The following GRIA2 variants were observed in gnomAD, a reference collection of about 807,000 sequenced individuals.
GRIA2 encodes the protein glutamate receptor 2.
Under a neutral mutation model 97.3 loss-of-function variants are expected in GRIA2, and 14 were observed. The observed-to-expected ratio is 0.14, with a 90% CI of 0.10 to 0.23. The LOEUF (loss-of-function observed/expected upper bound fraction) is 0.23. GRIA2 is among the 10% of genes least tolerant of loss of function. The pLI, the probability that GRIA2 is intolerant of heterozygous loss-of-function variation, is 1.00. For synonymous variants in GRIA2, 412 were observed against 387.8 expected (o/e 1.06, Z -0.73); for missense variants, 558 against 1,069.8 (o/e 0.52, Z 6.67).
intron 2 of GRIA2, among the ~76,000 whole-genome samples, chr4:157,266,689 G>A (rs1731785394): frequency 6.6e-6 from 1 of 152,058 alleles, no homozygotes; most frequent in Non-Finnish European, 1.5e-5. Flanking sequence ...GCTGCAGAGA[G>A]GAGAGAAGGA....
At position 157,229,069 on chromosome 4, in the gene GRIA2, T is replaced by G. The variant is rs540033249; in HGVS notation, c.229+7262T>G. Among the ~76,000 whole-genome samples, 5 of 152,276 alleles carry G rather than the reference T, an allele frequency of 3.3e-5. No homozygotes were observed. In the East Asian group the frequency reaches 9.7e-4, roughly 29 times the overall value. On this transcript the variant is annotated intron_variant, in intron 2 of 15. Coordinates refer to ENST00000264426, the MANE Select transcript of GRIA2 (RefSeq NM_001083619.3). ...TTCTATATCAATTCCTTTAATTAAT[T>G]TTAAAAATGTACAGAATCACAAAAG...
chr4:157,245,025 A>G (rs1188972527), intron 2 of GRIA2, among the ~76,000 whole-genome samples: 1 of 152,064 alleles, frequency 6.6e-6, no homozygotes, highest in African/African-American at 2.4e-5. Flanking sequence ...ATAAAAAAAT[A>G]ATAGCAGATT....
In GRIA2 at chr4:157,312,941, A is replaced by G. The variant is rs1012800218; in HGVS notation, c.666+66A>G. On this transcript the variant is annotated intron_variant, in intron 4 of 15. Transcript: ENST00000264426. ...TATGCATGCAATGTCAGCATTTGCA[A>G]TGTGTATTTGTGTAAGGTGCTTGAA... 1.1e-5 allele frequency: 11 copies of G among 974,512 alleles called. No homozygotes were observed. The African/African-American group carries it at 1.6e-4, about 15-fold the overall frequency. The allele number at this position is 974,512 out of a possible 1,614,324, so 60.4% of individuals were successfully genotyped here.
chr4:157,243,552 T>C (rs1579298901), intron 2 of GRIA2, among the ~76,000 whole-genome samples: 1 of 152,198 alleles, frequency 6.6e-6, no homozygotes, highest in East Asian at 1.9e-4. Flanking sequence ...GAATGCCCCC[T>C]AAAAGAGAAA....
At chr4:157,330,005 A>G (rs987810534) in intron 6 of GRIA2, among the ~76,000 whole-genome samples, 6 of 151,906 alleles carry the variant, frequency 3.9e-5, no homozygotes, top group Non-Finnish European at 8.8e-5. Flanking sequence ...TCACCTATAG[A>G]ATTGGAATAA....
chr4:157,353,031 C>T (rs1454203409), intron 12 of GRIA2, among the ~76,000 whole-genome samples: 2 of 151,900 alleles, frequency 1.3e-5, no homozygotes, highest in Admixed American at 6.6e-5. Context: ...GCACTTCAGC[C>T]TGGGCGACAG....
chr4:157,266,157 T>G (rs1048349247), intron 2 of GRIA2, among the ~76,000 whole-genome samples: 2 of 152,110 alleles, frequency 1.3e-5, no homozygotes, highest in African/African-American at 4.8e-5. Flanking sequence ...TAGAGCTATT[T>G]ATTGAACTTA....
chr4:157,258,903 G>A (rs1167529331), intron 2 of GRIA2, among the ~76,000 whole-genome samples: 2 of 151,924 alleles, frequency 1.3e-5, no homozygotes, highest in African/African-American at 4.8e-5. Flanking sequence ...GAAAGAAACA[G>A]AAAAAAATTG....
In GRIA2 at chr4:157,225,903, A is replaced by C. The variant is rs1187612163; in HGVS notation, c.229+4096A>C. Among the ~76,000 whole-genome samples the C allele has an allele frequency of 2.6e-5, 4 of 152,008 alleles. No homozygotes were observed. In the East Asian group the frequency reaches 7.7e-4, roughly 29 times the overall value. ...GAAAATCAATAGCAAATTTTAGGAAAATACTAAGTATTTTTACATTATAAA... is the reference window on the plus strand; with the variant it reads ...GAAAATCAATAGCAAATTTTAGGAACATACTAAGTATTTTTACATTATAAA... On this transcript the variant is annotated intron_variant, in intron 2 of 15. Transcript: ENST00000264426.
chr4:157,345,524 C>T (rs1168808622), intron 12 of GRIA2, among the ~76,000 whole-genome samples: 1 of 152,070 alleles, frequency 6.6e-6, no homozygotes, highest in African/African-American at 2.4e-5. Context: ...AATTTCTTAT[C>T]TCAATAAAAT....
intron 5 of GRIA2, among the ~76,000 whole-genome samples, chr4:157,319,639 G>A (rs1386205006): frequency 1.3e-5 from 2 of 152,060 alleles, no homozygotes; most frequent in African/African-American, 4.8e-5. Context: ...ATTAAACAAT[G>A]CCACCCGAAG....
chr4:157,349,167 T>C (rs1735892410), intron 12 of GRIA2, among the ~76,000 whole-genome samples: 2 of 152,190 alleles, frequency 1.3e-5, no homozygotes, highest in African/African-American at 4.8e-5. Context: ...CTTAGTAATA[T>C]GATATTTGAG....
In GRIA2 at chr4:157,336,642, G is replaced by A; in HGVS notation, c.1739G>A (p.Gly580Glu). 1 of 1,613,372 alleles carries A rather than the reference G, an allele frequency of 6.2e-7. No homozygotes were observed. The highest frequency in any genetic ancestry group is 8.5e-7 in the Non-Finnish European group (1 of 1,179,524). Residue 580 changes from glycine (G) to glutamate (E), a missense_variant, in exon 11 of 16, where the codon GGA becomes GAA. This residue lies in a region of GRIA2 where 125 missense variants were observed against 310.2 expected (regional missense o/e 0.40). Transcript: ENST00000264426. ...YEWHTEEFED[G>E]RETQSSESTN... is the part of the protein sequence containing the mutation. The stretch of plus-strand genomic sequence containing the variant: ...TGGCACACTGAGGAGTTTGAAGATG[G>A]AAGAGAAACACAAAGTAGTGAATCA...
At chr4:157,254,486 A>G (rs956402661) in intron 2 of GRIA2, among the ~76,000 whole-genome samples, 4 of 152,088 alleles carry the variant, frequency 2.6e-5, no homozygotes, top group African/African-American at 4.8e-5. Context: ...TCCATAGTCT[A>G]TAGTCCGGAA....
At chr4:157,344,759 C>A (rs1056868972) in intron 12 of GRIA2, among the ~76,000 whole-genome samples, 4 of 151,816 alleles carry the variant, frequency 2.6e-5, no homozygotes, top group Non-Finnish European at 5.9e-5. Context: ...GGTTGGTTTT[C>A]GTCATAGCCA....
chr4:157,290,531 T>C (rs1285376135), intron 2 of GRIA2, among the ~76,000 whole-genome samples: 2 of 151,252 alleles, frequency 1.3e-5, no homozygotes, highest in East Asian at 2.0e-4. Context: ...CAGATTACCC[T>C]AGAAGGAACT....
At chr4:157,257,014 T>TA (rs1731308344) in intron 2 of GRIA2, among the ~76,000 whole-genome samples, 2 of 152,024 alleles carry the variant, frequency 1.3e-5, no homozygotes, top group South Asian at 2.1e-4. Flanking sequence ...GTTTTTAAAA[T>TA]AAAAAACCTT....
Position 157,332,984 on chromosome 4 carries a change from C to G in GRIA2, c.1048C>G (p.Gln350Glu), listed in dbSNP as rs774397311. Reference protein sequence around the residue: ...QGVEIERALKQVQVEGLSGNI... With the variant: ...QGVEIERALKEVQVEGLSGNI... ...TGTAGAAATAGAAAGGGCCCTCAAACAGGTCAGTTACTCAAAATAATCGTT... is the reference window on the plus strand; with the variant it reads ...TGTAGAAATAGAAAGGGCCCTCAAAGAGGTCAGTTACTCAAAATAATCGTT... The change falls in exon 7 of 16, where the codon CAG becomes GAG. Residue 350 changes from glutamine (Q) to glutamate (E), a missense_variant and splice_region_variant. Physicochemically the swap from Gln to Glu is conservative, Grantham distance 29. Coordinates refer to ENST00000264426, the MANE Select transcript of GRIA2 (RefSeq NM_001083619.3). The G allele has an allele frequency of 6.2e-7, 1 of 1,600,098 alleles. No individual in the cohort carries two copies. The highest frequency in any genetic ancestry group is 8.5e-7 in the Non-Finnish European group (1 of 1,173,698).
intron 2 of GRIA2, among the ~76,000 whole-genome samples, chr4:157,274,948 C>T (rs1248905847): frequency 6.7e-6 from 1 of 150,116 alleles, no homozygotes; most frequent in Non-Finnish European, 1.5e-5. Context: ...GCCACATCGA[C>T]TTCCACAATG....
Sources: gnomAD v4.1 joint callset for allele counts (sites outside exome capture counted in the v4.1 genomes callset) on GRCh38, gnomAD v4.1.1 for gene constraint, gnomAD v4.1.1 regional missense constraint, MANE v1.5 for transcripts, NCBI Gene and HGNC (gene_info 2026-07-23, HGNC 2026-07-21) for gene names.